CTNNA3: variants seen among roughly 807,000 people sequenced by gnomAD.
CTNNA3 encodes the protein catenin alpha-3.
In CTNNA3, 76 loss-of-function variants were observed where a neutral mutation model predicts 95.7. The observed-to-expected ratio is 0.79, with a 90% CI of 0.66 to 0.96. The LOEUF (loss-of-function observed/expected upper bound fraction) is 0.96. Among genes scored for constraint, CTNNA3 ranks in the 40% least tolerant of loss-of-function variants. The pLI is 0.00. For synonymous variants in CTNNA3, 431 were observed against 374.4 expected (o/e 1.15, Z -1.74); for missense variants, 1,191 against 1,089.8 (o/e 1.09, Z -1.31).
chr10:67,198,433 T>C (rs1863478073), intron 6 of CTNNA3, among the ~76,000 whole-genome samples: 1 of 152,058 alleles, frequency 6.6e-6, no homozygotes, highest in Non-Finnish European at 1.5e-5. Flanking sequence ...CTCCAGAGAA[T>C]ATGAGTCACA....
chr10:66,189,272 C>CA (rs36036764), intron 13 of CTNNA3, among the ~76,000 whole-genome samples: 11,157 of 126,350 alleles, frequency 0.088, 540 homozygotes, highest in Admixed American at 0.13. Flanking sequence ...GGAGTTCTAT[C>CA]AAAAAAAAAA....
At chr10:66,862,990 A>G (rs574408562) in intron 7 of CTNNA3, among the ~76,000 whole-genome samples, 1 of 152,144 alleles carries the variant, frequency 6.6e-6, no homozygotes, top group East Asian at 1.9e-4. Flanking sequence ...TTGAACTCAA[A>G]CTGAAACATC....
intron 13 of CTNNA3, among the ~76,000 whole-genome samples, chr10:66,188,026 A>G (rs1183670080): frequency 6.6e-6 from 1 of 152,182 alleles, no homozygotes; most frequent in African/African-American, 2.4e-5. Flanking sequence ...CTTAGAAATA[A>G]AGAGACAGAA....
chr10:66,526,995 C>T (rs1423600507), intron 10 of CTNNA3, among the ~76,000 whole-genome samples: 1 of 152,074 alleles, frequency 6.6e-6, no homozygotes, highest in Non-Finnish European at 1.5e-5. Flanking sequence ...GTCATATGCA[C>T]ATTGCCAAAT....
At chr10:66,522,603 G>C (rs1841106032) in intron 10 of CTNNA3, among the ~76,000 whole-genome samples, 1 of 151,850 alleles carries the variant, frequency 6.6e-6, no homozygotes, top group Non-Finnish European at 1.5e-5. Context: ...TGAGTTTTCT[G>C]AGGCATCCCC....
intron 11 of CTNNA3, among the ~76,000 whole-genome samples, chr10:66,404,459 T>C (rs1179452172): frequency 6.6e-6 from 1 of 152,118 alleles, no homozygotes; most frequent in Non-Finnish European, 1.5e-5. Context: ...GCATACTTAT[T>C]GAGATTCTAT....
chr10:67,759,902 G>C (rs947219079), intron 1 of CTNNA3, among the ~76,000 whole-genome samples: 12 of 152,122 alleles, frequency 7.9e-5, no homozygotes, highest in African/African-American at 1.9e-4. Flanking sequence ...CCTCAGATGA[G>C]ATTGCAGCCC....
At chr10:66,223,569 G>T (rs2089087037) in intron 13 of CTNNA3, among the ~76,000 whole-genome samples, 1 of 152,058 alleles carries the variant, frequency 6.6e-6, no homozygotes, top group African/African-American at 2.4e-5. Flanking sequence ...TTTTTCAGAG[G>T]TATTTGTTTG....
At chr10:65,975,598 C>T (rs1428184754) in intron 16 of CTNNA3, among the ~76,000 whole-genome samples, 2 of 152,092 alleles carry the variant, frequency 1.3e-5, no homozygotes, top group African/African-American at 4.8e-5. Flanking sequence ...AAAAACAAGT[C>T]ATCTCTTTGT....
At chr10:66,203,732 G>A (rs1240863300) in intron 13 of CTNNA3, among the ~76,000 whole-genome samples, 2 of 151,754 alleles carry the variant, frequency 1.3e-5, no homozygotes, top group Non-Finnish European at 2.9e-5. Context: ...TGAACACCTA[G>A]GGTTACCAAG....
At chr10:67,002,298 T>C (rs1851735909) in intron 7 of CTNNA3, among the ~76,000 whole-genome samples, 2 of 152,150 alleles carry the variant, frequency 1.3e-5, no homozygotes, top group Admixed American at 6.5e-5. Context: ...AAGCCCTCAG[T>C]GGACAAATAA....
At chr10:66,283,647 C>A (rs1259039048) in intron 12 of CTNNA3, among the ~76,000 whole-genome samples, 1 of 151,762 alleles carries the variant, frequency 6.6e-6, no homozygotes, top group Non-Finnish European at 1.5e-5. Context: ...CTTTCAGAAG[C>A]AAATGTTTAA....
intron 15 of CTNNA3, among the ~76,000 whole-genome samples, chr10:66,051,829 T>C (rs2079965627): frequency 1.3e-5 from 2 of 152,174 alleles, no homozygotes; most frequent in Non-Finnish European, 2.9e-5. Flanking sequence ...ATAAGAAATA[T>C]TCTCCTGCAG....
At chr10:67,271,137 G>C (rs1417561749) in intron 5 of CTNNA3, among the ~76,000 whole-genome samples, 2 of 152,144 alleles carry the variant, frequency 1.3e-5, no homozygotes, top group Admixed American at 6.5e-5. Flanking sequence ...AAAAGGAATA[G>C]GTGAGGTTAT....
intron 5 of CTNNA3, among the ~76,000 whole-genome samples, chr10:67,223,296 G>A (rs1012286531): frequency 6.6e-6 from 1 of 152,196 alleles, no homozygotes; most frequent in Admixed American, 6.5e-5. Flanking sequence ...TGTGGTAGTG[G>A]TGTTTGTAGT....
chr10:66,340,010 A>G (rs1200249945), intron 12 of CTNNA3, among the ~76,000 whole-genome samples: 3 of 151,658 alleles, frequency 2.0e-5, no homozygotes, highest in African/African-American at 7.2e-5. Context: ...ATTTGACTTC[A>G]TAATTAATAA....
At chr10:66,845,618 G>A (rs1843216923) in intron 7 of CTNNA3, among the ~76,000 whole-genome samples, 2 of 147,326 alleles carry the variant, frequency 1.4e-5, no homozygotes, top group Admixed American at 6.9e-5. Flanking sequence ...CAGGAGAATC[G>A]CTTGAACCCG....
chr10:67,157,880 G>C (rs1240049879), intron 7 of CTNNA3, among the ~76,000 whole-genome samples: 1 of 152,056 alleles, frequency 6.6e-6, no homozygotes, highest in Non-Finnish European at 1.5e-5. Flanking sequence ...GCTAGAAAAA[G>C]GAAAGAATTC....
chr10:67,277,647 T>A (rs1454718652), intron 5 of CTNNA3, among the ~76,000 whole-genome samples: 1 of 152,058 alleles, frequency 6.6e-6, no homozygotes, highest in Non-Finnish European at 1.5e-5. Context: ...AAGACTTTGC[T>A]GATAAAACAG....
Sources: gnomAD v4.1 joint callset for allele counts (sites outside exome capture counted in the v4.1 genomes callset) on GRCh38, gnomAD v4.1.1 for gene constraint, MANE v1.5 for transcripts, NCBI Gene and HGNC (gene_info 2026-07-23, HGNC 2026-07-21) for gene names.